PPP4R1: variants seen among roughly 807,000 people sequenced by gnomAD.
PPP4R1 encodes protein phosphatase 4 regulatory subunit 1.
A neutral mutation model predicts 111.2 loss-of-function variants in PPP4R1; 42 were observed. The observed-to-expected ratio is 0.38, with a 90% confidence interval of 0.29 to 0.49. The LOEUF (loss-of-function observed/expected upper bound fraction) is 0.49, where lower values mean the gene tolerates loss of function less well. Among genes scored for constraint, PPP4R1 ranks in the 20% least tolerant of loss-of-function variants. The pLI is 0.97. For missense variants in PPP4R1, 1,012 were observed against 1,161.6 expected, an observed-to-expected ratio of 0.87 and a Z score of 1.87; for synonymous variants, 409 against 405.5, an observed-to-expected ratio of 1.01 and a Z score of -0.10.
chr18:9,576,414 AAAATTT>A (rs1463612851), intron 10 of PPP4R1, among the ~76,000 whole-genome samples: 1 of 152,000 alleles, frequency 6.6e-6, no homozygotes, highest in African/African-American at 2.4e-5. Context: ...ATAAATTTTT[AAAATTT>A]AAATTTAATA....
At chr18:9,575,236 G>A (rs1034131640) in intron 10 of PPP4R1, among the ~76,000 whole-genome samples, 6 of 152,308 alleles carry the variant, frequency 3.9e-5, no homozygotes, top group Admixed American at 3.9e-4. Context: ...GGACAGGAAC[G>A]AAGTTCTATC....
intron 4 of PPP4R1, among the ~76,000 whole-genome samples, chr18:9,591,108 G>T (rs760553139): frequency 3.9e-5 from 6 of 152,030 alleles, no homozygotes; most frequent in Non-Finnish European, 7.4e-5. Flanking sequence ...AGCACTTTGG[G>T]AGGCTGAGTC....
chr18:9,614,840 G>A (rs996405647), upstream of PPP4R1: 1 of 149,842 alleles, frequency 6.7e-6, no homozygotes, highest in African/African-American at 2.4e-5. The surrounding 1 kb of genome is among the most constrained non-coding windows in gnomAD (Gnocchi z 4.1). Flanking sequence ...GCGGACGGGG[G>A]CGCGCAACCT....
Position 9,549,291 on chromosome 18 carries a change from A to T in PPP4R1, c.2595T>A (p.His865Gln), listed in dbSNP as rs2066450823. Reference sequence around the variant, plus strand: ...CTAAGGTTAGCAGATGCGGCATGAGATGCACAGCAAACTGGTCCATGGGAA... The same window carrying T: ...CTAAGGTTAGCAGATGCGGCATGAGTTGCACAGCAAACTGGTCCATGGGAA... ...DCLPMDQFAV[H>Q]LMPHLLTLAN... The change falls in exon 19 of 20, where the codon CAT (histidine) becomes CAA (glutamine). Residue 865 changes from histidine to glutamine, a missense_variant. By Grantham distance (24) the His-to-Gln change is conservative. Transcript: ENST00000400556. The T allele has an allele frequency of 6.2e-7, 1 of 1,613,412 alleles. No individual in the cohort carries two copies.
At chr18:9,586,505 G>A (rs1598934856) in intron 6 of PPP4R1, among the ~76,000 whole-genome samples, 1 of 152,068 alleles carries the variant, frequency 6.6e-6, no homozygotes, top group Non-Finnish European at 1.5e-5. Flanking sequence ...ACACTAAAAT[G>A]ATTTTATGTC....
Position 9,570,674 on chromosome 18 carries a change from A to C in PPP4R1, c.1056T>G (p.Asp352Glu), listed in dbSNP as rs954297577. The C allele has an allele frequency of 6.5e-7, 1 of 1,542,730 alleles. No homozygotes were observed. The highest frequency in any genetic ancestry group is 8.7e-7 in the Non-Finnish European group (1 of 1,147,784). ...MSVENKNRTR[D>E]QEAPEDVQVR... ...CTTGTACATCCTCTGGGGCTTCTTG[A>C]TCTCTGGTCCTTTTATTGTTTTATT... Residue 352 changes from aspartate (D) to glutamate (E), a missense_variant, in exon 11 of 20, where the codon GAT becomes GAG. Asp to Glu is a conservative substitution (Grantham distance 45). Coordinates refer to ENST00000400556, the MANE Select transcript of PPP4R1 (RefSeq NM_001042388.3).
chr18:9,550,606 T>G, intron 16 of PPP4R1: 1 of 577,028 alleles, frequency 1.7e-6, no homozygotes, highest in Non-Finnish European at 3.0e-6. Context: ...TCAAGTTCCT[T>G]AGAGTGTAAG....
intron 11 of PPP4R1, among the ~76,000 whole-genome samples, chr18:9,564,719 TGTGTGTGTGTGTGTGTGTGG>T (rs777124894): frequency 3.6e-5 from 2 of 56,194 alleles, no homozygotes; most frequent in South Asian, 4.7e-4. Flanking sequence ...TGTGTGTGTG[TGTGTGTGTGTGTGTGTGTGG>T]GGGTATCATC....
chr18:9,590,300 C>T (rs567326873), intron 4 of PPP4R1: 56 of 152,250 alleles, frequency 3.7e-4, no homozygotes, highest in African/African-American at 1.3e-3. Flanking sequence ...ATCAACAAAC[C>T]AATATCTGGA....
intron 8 of PPP4R1, 22 bp from the exon 9 acceptor site, chr18:9,583,297 TTG>T (rs751039046): frequency 6.6e-7 from 1 of 1,509,972 alleles, no homozygotes; most frequent in South Asian, 1.3e-5. Context: ...GGAAAGAGTC[TTG>T]TTAGTTGGAT....
rs1427787183 is a variant in PPP4R1, at chr18:9,546,869, G to A, written c.*920C>T. 1 of 152,090 alleles carries A rather than the reference G, an allele frequency of 6.6e-6. No individual in the cohort carries two copies. Among genetic ancestry groups the A allele is most frequent in the Non-Finnish European group, 1.5e-5 (1 of 68,004 alleles). 9.4% of individuals were successfully genotyped at this position (152,090 alleles called of 1,614,324 possible). On this transcript the variant is annotated 3_prime_UTR_variant, in exon 20 of 20. Coordinates refer to ENST00000400556, the MANE Select transcript of PPP4R1 (RefSeq NM_001042388.3). ...TACAGGTCACAAATTGCATTTATTG[G>A]TAGACATCTAGAAAACAATCAAAAG...
At chr18:9,613,119 G>A (rs2067611203) in intron 2 of PPP4R1, among the ~76,000 whole-genome samples, 1 of 152,098 alleles carries the variant, frequency 6.6e-6, no homozygotes, top group Admixed American at 6.6e-5. Context: ...CTCAGCATCC[G>A]GTAGGCTTTC....
chr18:9,607,650 G>C (rs2067503648), intron 2 of PPP4R1, among the ~76,000 whole-genome samples: 1 of 152,128 alleles, frequency 6.6e-6, no homozygotes, highest in Non-Finnish European at 1.5e-5. Context: ...TTTAATAAGA[G>C]TGGCTAAAAT....
At chr18:9,554,364 G>T (rs934346496) in intron 15 of PPP4R1, among the ~76,000 whole-genome samples, 1 of 152,002 alleles carries the variant, frequency 6.6e-6, no homozygotes, top group African/African-American at 2.4e-5. Flanking sequence ...CCTGACCTCA[G>T]GTGATCCGCT....
intron 13 of PPP4R1, among the ~76,000 whole-genome samples, chr18:9,559,831 T>G (rs186762381): frequency 6.6e-6 from 1 of 151,938 alleles, no homozygotes; most frequent in South Asian, 2.1e-4. Context: ...AGGAGAACAA[T>G]GAATAACATC....
intron 2 of PPP4R1, among the ~76,000 whole-genome samples, chr18:9,603,515 T>C (rs1052549615): frequency 2.0e-5 from 3 of 152,196 alleles, no homozygotes; most frequent in African/African-American, 7.2e-5. Context: ...AATTTCTTTT[T>C]ATTTTTTAAT....
chr18:9,549,422 C>CA, intron 18 of PPP4R1, 84 bp from the exon 19 acceptor site: 11 of 1,497,024 alleles, frequency 7.3e-6, no homozygotes, highest in Non-Finnish European at 9.1e-6. Context: ...CTCTGAGTGA[C>CA]CACAGGTACA....
At chr18:9,592,976 C>T (rs758133520) in intron 4 of PPP4R1, among the ~76,000 whole-genome samples, 9 of 152,056 alleles carry the variant, frequency 5.9e-5, no homozygotes, top group Non-Finnish European at 1.0e-4. Context: ...ATATTAGAAA[C>T]ATTTAAGGCT....
chr18:9,590,933 G>A (rs2067200818), intron 4 of PPP4R1, among the ~76,000 whole-genome samples: 1 of 152,120 alleles, frequency 6.6e-6, no homozygotes, highest in South Asian at 2.1e-4. Flanking sequence ...AGAAGCCACA[G>A]AGTGAAAAAG....
Sources: gnomAD v4.1 joint callset for allele counts (sites outside exome capture counted in the v4.1 genomes callset) on GRCh38, gnomAD v4.1.1 for gene constraint, Gnocchi (gnomAD v3.1) non-coding constraint, MANE v1.5 for transcripts, NCBI Gene and HGNC (gene_info 2026-07-23, HGNC 2026-07-21) for gene names.